Variants in BRSK2 observed in about 807,000 individuals in gnomAD.
BRSK2 encodes the protein serine/threonine-protein kinase BRSK2.
BRSK2 carries 19 observed loss-of-function variants against 83.3 expected under a neutral mutation model. The ratio of observed to expected loss-of-function variants is 0.23; its 90% confidence interval spans 0.16 to 0.33. The LOEUF (loss-of-function observed/expected upper bound fraction) is 0.33, where lower values mean the gene tolerates loss of function less well. Among genes scored for constraint, BRSK2 ranks in the 10% least tolerant of loss-of-function variants. The pLI, the probability that BRSK2 is intolerant of heterozygous loss-of-function variation, is 1.00. For missense variants in BRSK2, 798 were observed against 1,042.3 expected, an observed-to-expected ratio of 0.77 and a Z score of 3.23; for synonymous variants, 519 against 435.4, an observed-to-expected ratio of 1.19 and a Z score of -2.39.
At position 1,443,649 on chromosome 11, in the gene BRSK2, G is replaced by T. The variant is rs749279589; in HGVS notation, c.780+14G>T. On this transcript the variant is annotated intron_variant, in intron 8 of 19. Transcript: ENST00000528841. The stretch of plus-strand genomic sequence containing the variant: ...CGCCGCCTCACGGTGCGTGCCCTCG[G>T]AGCGGGGCGGCCCCAGAGCGTGGCG... 2.5e-6 allele frequency: 4 copies of T among 1,574,526 alleles called. No homozygotes were observed. The Admixed American group carries it at 5.2e-5, about 20-fold the overall frequency.
intron 1 of BRSK2, among the ~76,000 whole-genome samples, chr11:1,434,647 T>C (rs1850050224): frequency 7.6e-6 from 1 of 131,680 alleles, no homozygotes; most frequent in Non-Finnish European, 1.6e-5. Context: ...CACCCAGGAG[T>C]GGGGTCCTCT....
intron 12 of BRSK2, among the ~76,000 whole-genome samples, chr11:1,446,876 GCC>G: frequency 6.6e-6 from 1 of 152,150 alleles, no homozygotes; most frequent in East Asian, 1.9e-4. Flanking sequence ...GCACCCCAGG[GCC>G]CCCTCCTTGT....
Position 1,390,435 on chromosome 11 carries a change from G to C in BRSK2, c.91+60G>C. 3 of 949,788 alleles carry C rather than the reference G, an allele frequency of 3.2e-6. No individual in the cohort carries two copies. Among genetic ancestry groups the C allele is most frequent in the Non-Finnish European group, 3.8e-6 (3 of 791,546 alleles). The allele number at this position is 949,788 out of a possible 1,614,324, so 58.8% of individuals were successfully genotyped here. ...AGGCCGCGCTGGCAGCGCGCTGGGT[G>C]GGGGGCGCCCGAGGGAGGCCCCGGC... On this transcript the variant is annotated intron_variant, in intron 1 of 19. Coordinates refer to ENST00000528841, the MANE Select transcript of BRSK2 (RefSeq NM_001256627.2). The surrounding 1 kb of genome is among the most constrained non-coding windows in gnomAD (Gnocchi z 6.8).
chr11:1,441,024 T>G, intron 4 of BRSK2, 96 bp downstream of exon 4: 1 of 991,392 alleles, frequency 1.0e-6, no homozygotes. Context: ...CTACACCCCC[T>G]ATGGTGCTAT....
chr11:1,456,754 G>A lies in BRSK2; in HGVS notation c.1939+67G>A, dbSNP rs567536102. The A allele has an allele frequency of 1.2e-4, 182 of 1,496,582 alleles. 1 individual carries two copies. The highest frequency in any genetic ancestry group is 7.0e-4 in the Admixed American group (35 of 50,336). 92.7% of individuals were successfully genotyped at this position (1,496,582 alleles called of 1,614,324 possible). On this transcript the variant is annotated intron_variant, in intron 18 of 19. Transcript: ENST00000528841. ...GGGGCGTGGCCAGCTGGTGCTGCGC[G>A]GACGGGAGGCGTGAGGACCCGGGCG...
chr11:1,392,865 T>C (rs1845814284), intron 1 of BRSK2, among the ~76,000 whole-genome samples: 1 of 152,100 alleles, frequency 6.6e-6, no homozygotes, highest in African/African-American at 2.4e-5. Context: ...GCATGGGGCG[T>C]CCTCTGCACA....
intron 1 of BRSK2, among the ~76,000 whole-genome samples, chr11:1,405,224 C>G (rs1184550457): frequency 6.6e-6 from 1 of 152,150 alleles, no homozygotes; most frequent in Non-Finnish European, 1.5e-5. Context: ...TCCTAGCCCT[C>G]TGCCTGGGAT....
Position 1,445,871 on chromosome 11 carries a change from C to T in BRSK2, c.1190C>T (p.Ala397Val), listed in dbSNP as rs747715851. 14 of 1,611,582 alleles carry T rather than the reference C, an allele frequency of 8.7e-6. No individual in the cohort carries two copies. The highest frequency in any genetic ancestry group is 3.3e-5 in the Admixed American group (2 of 59,974). Residue 397 changes from alanine (A) to valine (V), a missense_variant, in exon 12 of 20, where the codon GCG becomes GTG. By Grantham distance (64) the Ala-to-Val change is moderately conservative. This residue lies in a region of BRSK2 where 51 missense variants were observed against 52.6 expected (regional missense o/e 0.97). Coordinates refer to ENST00000528841, the MANE Select transcript of BRSK2 (RefSeq NM_001256627.2). ...SVTDGGSPVP[A>V]RRAIEMAQHG... ...ACGGACGGCGGCTCCCCGGTGCCTG[C>T]GCGGCGGGCCATTGAGATGGCCCAG...
chr11:1,449,923 G>T, intron 13 of BRSK2, 87 bp downstream of exon 13: 1 of 1,063,860 alleles, frequency 9.4e-7, no homozygotes, highest in Non-Finnish European at 1.4e-6. Context: ...GGGCAGCCTC[G>T]CGGACCCTGG....
rs779184375 is a variant in BRSK2 at position 1,440,934 on chromosome 11, GCCCCACCCCTGGTGCC to G, written c.413+13_413+28del. Reference sequence around the variant, plus strand: ...TGCCACAGCCACTCCATATGGTGAGGCCCCACCCCTGGTGCCCCCCACTCCCCAGGGACCCCCACAC... The same window carrying G: ...TGCCACAGCCACTCCATATGGTGAGGCCCCACTCCCCAGGGACCCCCACAC... On this transcript the variant is annotated splice_region_variant and intron_variant, in intron 4 of 19. Transcript: ENST00000528841. The G allele has an allele frequency of 5.4e-6, 8 of 1,486,908 alleles. No individual in the cohort carries two copies. In the East Asian group the frequency reaches 1.8e-4, roughly 34 times the overall value. 92.1% of individuals were successfully genotyped at this position (1,486,908 alleles called of 1,614,324 possible). A position where few individuals can be genotyped will look rare whatever the true frequency, so the allele number is the denominator to read the frequency against.
intron 9 of BRSK2, 37 bp downstream of exon 9, chr11:1,445,039 C>T: frequency 1.2e-6 from 2 of 1,605,216 alleles, no homozygotes; most frequent in Non-Finnish European, 1.7e-6. Flanking sequence ...GCCTGCTTTG[C>T]CTGTTGCTGT....
intron 1 of BRSK2, among the ~76,000 whole-genome samples, chr11:1,398,237 C>G (rs570339748): frequency 6.6e-6 from 1 of 152,324 alleles, no homozygotes; most frequent in Non-Finnish European, 1.5e-5. Flanking sequence ...GAAAGCCCCT[C>G]TTCACAGCTA....
chr11:1,439,913 GC>G (rs1282480451), intron 3 of BRSK2, among the ~76,000 whole-genome samples: 1 of 151,942 alleles, frequency 6.6e-6, no homozygotes. Context: ...TGCCCTGGGG[GC>G]TTCACCACAA....
chr11:1,462,342 G>A lies in BRSK2; in HGVS notation c.*1619G>A, dbSNP rs1847595331. ...CGGGTCTGATGCATGCCTCTGCCAT[G>A]GAGTCGTCTGTCTGCTTCGGTGCCT... On this transcript the variant is annotated 3_prime_UTR_variant, in exon 20 of 20. Transcript: ENST00000528841. 6.6e-6 allele frequency: 1 copy of A among 152,276 alleles called. No homozygotes were observed. The highest frequency in any genetic ancestry group is 1.5e-5 in the Non-Finnish European group (1 of 68,068). The allele number at this position is 152,276 out of a possible 1,614,324, so 9.4% of individuals were successfully genotyped here.
chr11:1,447,870 A>G, intron 12 of BRSK2: 1 of 1,590,850 alleles, frequency 6.3e-7, no homozygotes, highest in Non-Finnish European at 8.5e-7. Flanking sequence ...ACAGGTATAC[A>G]CCCCGACCAC....
intron 19 of BRSK2, among the ~76,000 whole-genome samples, chr11:1,459,661 G>A (rs901965391): frequency 6.6e-6 from 1 of 152,232 alleles, no homozygotes; most frequent in African/African-American, 2.4e-5. Context: ...GGCTTAGGAA[G>A]TGGGATTGAG....
At chr11:1,403,043 C>T (rs547895531) in intron 1 of BRSK2, among the ~76,000 whole-genome samples, 3 of 152,266 alleles carry the variant, frequency 2.0e-5, no homozygotes, top group South Asian at 4.1e-4. Context: ...CGGGACCCCC[C>T]GGGGCCACCA....
At chr11:1,440,684 G>A (rs2133063196) in intron 3 of BRSK2, 104 bp from the exon 4 acceptor site, 3 of 1,430,576 alleles carry the variant, frequency 2.1e-6, no homozygotes, top group Non-Finnish European at 1.9e-6. Flanking sequence ...GATGGGGGCG[G>A]CCTGCAGAGA....
At position 1,445,612 on chromosome 11, in the gene BRSK2, G is replaced by A; in HGVS notation, c.1019G>A (p.Arg340Gln). ...ATGATTTACTTCCTCCTCCTGGACC[G>A]GAAAGAAAGGTACCCGAGCCAGGAG... ...EKMIYFLLLDRKERYPSQEDE... is the reference protein window; with the variant it reads ...EKMIYFLLLDQKERYPSQEDE... The change falls in exon 11 of 20, where the codon CGG becomes CAG. Residue 340 changes from arginine to glutamine, a missense_variant. By Grantham distance (43) the Arg-to-Gln change is conservative. Coordinates refer to ENST00000528841, the MANE Select transcript of BRSK2 (RefSeq NM_001256627.2). 1.9e-6 allele frequency: 3 copies of A among 1,575,064 alleles called. No homozygotes were observed. The highest frequency in any genetic ancestry group is 2.6e-6 in the Non-Finnish European group (3 of 1,160,638).
Sources: gnomAD v4.1 joint callset for allele counts (sites outside exome capture counted in the v4.1 genomes callset) on GRCh38, gnomAD v4.1.1 for gene constraint, gnomAD v4.1.1 regional missense constraint, Gnocchi (gnomAD v3.1) non-coding constraint, MANE v1.5 for transcripts, NCBI Gene and HGNC (gene_info 2026-07-23, HGNC 2026-07-21) for gene names.